The following ARFGEF1 variants were observed in gnomAD, a reference collection of about 807,000 sequenced individuals.
The protein encoded by ARFGEF1 is brefeldin A-inhibited guanine nucleotide-exchange protein 1.
In ARFGEF1, 42 loss-of-function variants were observed where a neutral mutation model predicts 231.0. The observed-to-expected ratio is 0.18, with a 90% CI of 0.14 to 0.24. The LOEUF (loss-of-function observed/expected upper bound fraction) is 0.24, where lower values mean the gene tolerates loss of function less well. ARFGEF1 is among the 10% of genes least tolerant of loss of function. The pLI is 1.00. For synonymous variants in ARFGEF1, 710 were observed against 732.3 expected (o/e 0.97, Z 0.49); for missense variants, 1,345 against 2,192.0 (o/e 0.61, Z 7.72).
At chr8:67,206,598 G>A (rs149903612) in intron 34 of ARFGEF1, among the ~76,000 whole-genome samples, 31 of 152,236 alleles carry the variant, frequency 2.0e-4, no homozygotes, top group Admixed American at 3.9e-4. Context: ...ACACACTCAC[G>A]GGCGTGCTCC....
In ARFGEF1 at chr8:67,189,457, A is replaced by G. The variant is rs2129574878; in HGVS notation, c.560+10939T>C. On this transcript the variant is annotated intron_variant, in intron 5 of 5. Transcript: ENST00000518789. ...AAACAAAATGAGCTACTAAACCATG[A>G]AAAGGCATGGAAGGACCCAAAACTT... Among the ~76,000 whole-genome samples, 2 of 152,340 alleles carry G rather than the reference A, an allele frequency of 1.3e-5. 1 individual carries two copies. Among genetic ancestry groups the G allele is most frequent in the South Asian group, 4.1e-4 (2 of 4,822 alleles).
chr8:67,296,704 G>A (rs1806251141), intron 4 of ARFGEF1, 94 bp from the exon 5 acceptor site: 1 of 986,204 alleles, frequency 1.0e-6, no homozygotes. Context: ...AGGCTGGAGT[G>A]CAGTAGTGTG....
At chr8:67,176,416 G>T (rs1831646342) in intron 5 of ARFGEF1, among the ~76,000 whole-genome samples, 1 of 152,154 alleles carries the variant, frequency 6.6e-6, no homozygotes, top group Non-Finnish European at 1.5e-5. Flanking sequence ...CAGATCATAG[G>T]TCAAGACTTC....
chr8:67,336,211 G>A (rs543500754), intron 1 of ARFGEF1, among the ~76,000 whole-genome samples: 4 of 152,280 alleles, frequency 2.6e-5, no homozygotes, highest in African/African-American at 7.2e-5. Flanking sequence ...CTTTTAAGAA[G>A]CTTTTCAAGA....
chr8:67,335,843 T>G (rs1808322811), intron 1 of ARFGEF1, among the ~76,000 whole-genome samples: 2 of 151,638 alleles, frequency 1.3e-5, no homozygotes, highest in Admixed American at 1.3e-4. Context: ...GCCTTCCAGG[T>G]TCAAGCGATT....
intron 1 of ARFGEF1, among the ~76,000 whole-genome samples, chr8:67,329,010 G>A (rs182783195): frequency 6.6e-6 from 1 of 152,156 alleles, no homozygotes; most frequent in Non-Finnish European, 1.5e-5. Context: ...GGCGGATCAC[G>A]AGATCAGGAG....
intron 4 of ARFGEF1, among the ~76,000 whole-genome samples, chr8:67,297,624 A>C (rs1806293238): frequency 6.6e-6 from 1 of 152,118 alleles, no homozygotes; most frequent in South Asian, 2.1e-4. Context: ...AAAATGAACA[A>C]ATTTAACCTA....
intron 25 of ARFGEF1, 115 bp downstream of exon 25, chr8:67,227,848 A>G: frequency 1.0e-6 from 1 of 956,838 alleles, no homozygotes; most frequent in African/African-American, 1.7e-5. Context: ...CTAATTTAAT[A>G]TTAAAAAGTA....
rs1419311219 is a variant in ARFGEF1 at position 67,201,462 on chromosome 8, C to CT, written c.5267+4dup. On this transcript the variant is annotated splice_donor_region_variant and intron_variant, in intron 37 of 38. Coordinates refer to ENST00000262215, the MANE Select transcript of ARFGEF1 (RefSeq NM_006421.5). ...TCAGAGATGGAAATCAGTCAAAAGT[C>CT]TTACTTCAAAAGCCTCTGCTGGACC... is the stretch of plus-strand genomic sequence containing the variant. 1.0e-5 allele frequency: 16 copies of CT among 1,601,520 alleles called. No individual in the cohort carries two copies. The highest frequency in any genetic ancestry group is 1.4e-5 in the Non-Finnish European group (16 of 1,176,350).
intron 1 of ARFGEF1, among the ~76,000 whole-genome samples, chr8:67,305,960 C>A (rs984487311): frequency 9.2e-5 from 14 of 152,150 alleles, no homozygotes; most frequent in African/African-American, 3.4e-4. Flanking sequence ...AGTTCGACAG[C>A]AAAACTAGCA....
intron 9 of ARFGEF1, among the ~76,000 whole-genome samples, chr8:67,273,417 CCCAAAA>C (rs1805181460): frequency 9.7e-6 from 1 of 102,982 alleles, no homozygotes. Context: ...TTTTTTTTTT[CCCAAAA>C]AAAAAAAAAA....
chr8:67,280,796 CA>C (rs1217494359), intron 7 of ARFGEF1, among the ~76,000 whole-genome samples: 9 of 152,106 alleles, frequency 5.9e-5, no homozygotes, highest in African/African-American at 2.2e-4. Context: ...AGGAAGGCCT[CA>C]CAAGAAATAG....
chr8:67,343,344 G>A lies in ARFGEF1; in HGVS notation c.-57C>T, dbSNP rs560001547. ...ACCCGCGGCTCCCAGCGGCTGGAGG[G>A]GAGGAGGAGGAGAGGAAGGAAGAGA... On this transcript the variant is annotated 5_prime_UTR_variant, in exon 1 of 39. Transcript: ENST00000262215. The A allele has an allele frequency of 2.6e-3, 4,151 of 1,589,430 alleles. 12 individuals carry two copies. The highest frequency in any genetic ancestry group is 2.9e-3 in the Non-Finnish European group (3,406 of 1,166,112).
At chr8:67,240,446 G>A (rs1839895467) in intron 19 of ARFGEF1, among the ~76,000 whole-genome samples, 156 bp from the exon 20 acceptor site, 1 of 152,156 alleles carries the variant, frequency 6.6e-6, no homozygotes, top group South Asian at 2.1e-4. Context: ...ACTATATAAT[G>A]CTGCCTGGGC....
rs575211435 is a variant in ARFGEF1 at position 67,266,494 on chromosome 8, C to T, written c.1922-287G>A. 8.5e-5 allele frequency among the ~76,000 whole-genome samples: 13 copies of T among 152,158 alleles called. No individual in the cohort carries two copies. In the East Asian group the frequency reaches 2.5e-3, roughly 29 times the overall value. On this transcript the variant is annotated intron_variant, in intron 13 of 38. Coordinates refer to ENST00000262215, the MANE Select transcript of ARFGEF1 (RefSeq NM_006421.5). ...CTCACTCCTCATGAGGAATTGTTTT[C>T]GATAATACCAGTGTAGCCCTGCAGC...
Position 67,288,019 on chromosome 8 carries a change from A to C in ARFGEF1, c.963T>G (p.Cys321Trp). 1 of 1,608,490 alleles carries C rather than the reference A, an allele frequency of 6.2e-7. No homozygotes were observed. The highest frequency in any genetic ancestry group is 8.5e-7 in the Non-Finnish European group (1 of 1,178,296). Reference protein sequence around the residue: ...EVLYDGENHDCEEKPQDIVQN... With the variant: ...EVLYDGENHDWEEKPQDIVQN... ...GTACAATGTCTTGTGGCTTTTCCTC[A>C]CAATCATGGTTTTCTCCGTCATATA... Residue 321 changes from cysteine (C) to tryptophan (W), a missense_variant, in exon 7 of 39, where the codon TGT becomes TGG. By Grantham distance (215) the Cys-to-Trp change is radical. Around this residue, in one of 14 missense-constraint regions of ARFGEF1, gnomAD observed 398 missense variants for 463.2 expected, o/e 0.86. Coordinates refer to ENST00000262215, the MANE Select transcript of ARFGEF1 (RefSeq NM_006421.5).
intron 9 of ARFGEF1, 65 bp downstream of exon 9, chr8:67,275,911 T>A: frequency 8.2e-6 from 13 of 1,585,268 alleles, no homozygotes; most frequent in Non-Finnish European, 1.0e-5. Flanking sequence ...ATCCAAACAT[T>A]ACCTTAACAG....
At chr8:67,322,896 C>T (rs1807660741) in intron 1 of ARFGEF1, among the ~76,000 whole-genome samples, 1 of 152,064 alleles carries the variant, frequency 6.6e-6, no homozygotes, top group Non-Finnish European at 1.5e-5. Context: ...CATTTTATAC[C>T]ACATCTTTAC....
chr8:67,258,859 C>T (rs1320708873), intron 15 of ARFGEF1, among the ~76,000 whole-genome samples: 1 of 129,984 alleles, frequency 7.7e-6, no homozygotes, highest in Non-Finnish European at 1.5e-5. Flanking sequence ...ACACACCAGT[C>T]ATCACTCAGT....
Sources: gnomAD v4.1 joint callset for allele counts (sites outside exome capture counted in the v4.1 genomes callset) on GRCh38, gnomAD v4.1.1 for gene constraint, gnomAD v4.1.1 regional missense constraint, MANE v1.5 for transcripts, NCBI Gene and HGNC (gene_info 2026-07-23, HGNC 2026-07-21) for gene names.